DSCAM: variants seen among roughly 807,000 people sequenced by gnomAD.
DSCAM encodes the protein cell adhesion molecule DSCAM.
In DSCAM, 47 loss-of-function variants were observed where a neutral mutation model predicts 217.7. That is an observed-to-expected ratio of 0.22 (90% CI 0.17 to 0.28). The LOEUF (loss-of-function observed/expected upper bound fraction) is 0.28, where lower values mean the gene tolerates loss of function less well. DSCAM is among the 10% of genes least tolerant of loss of function. The pLI is 1.00. For missense variants in DSCAM, 2,080 were observed against 2,618.3 expected (o/e 0.79, Z 4.49); for synonymous variants, 1,056 against 1,015.3 (o/e 1.04, Z -0.76).
chr21:40,281,087 T>G (rs1226173057), intron 10 of DSCAM, among the ~76,000 whole-genome samples: 3 of 145,228 alleles, frequency 2.1e-5, no homozygotes, highest in African/African-American at 7.7e-5. Flanking sequence ...AAGCCACACA[T>G]GCATTCCAGA....
intron 3 of DSCAM, among the ~76,000 whole-genome samples, chr21:40,660,388 C>T (rs1318751833): frequency 6.6e-6 from 1 of 152,064 alleles, no homozygotes; most frequent in African/African-American, 2.4e-5. Flanking sequence ...AACAACTGGC[C>T]AGAAGTTATA....
chr21:40,473,201 G>GAGCAGAATGAATTAGAAA (rs550107597), intron 3 of DSCAM, among the ~76,000 whole-genome samples: 1 of 152,226 alleles, frequency 6.6e-6, no homozygotes, highest in Admixed American at 6.5e-5. Context: ...AACTAAAGGA[G>GAGCAGAATGAATTAGAAA]AGCAGAATGA....
intron 1 of DSCAM, among the ~76,000 whole-genome samples, chr21:40,805,339 T>C (rs2091776308): frequency 6.6e-6 from 1 of 152,188 alleles, no homozygotes; most frequent in Non-Finnish European, 1.5e-5. Context: ...TCCCCCTCCA[T>C]CCTGCCTTCT....
intron 3 of DSCAM, among the ~76,000 whole-genome samples, chr21:40,543,158 G>A (rs1368894480): frequency 6.6e-6 from 1 of 152,172 alleles, no homozygotes; most frequent in African/African-American, 2.4e-5. Flanking sequence ...AGGCTGGAAA[G>A]GTCAGACAAG....
At chr21:40,074,935 A>C in intron 27 of DSCAM, 102 bp downstream of exon 27, 3 of 1,239,782 alleles carry the variant, frequency 2.4e-6, no homozygotes, top group South Asian at 1.5e-5. Flanking sequence ...TAAAGAGGGA[A>C]GAGTCACTCC....
chr21:40,647,132 G>A (rs1161492336), intron 3 of DSCAM, among the ~76,000 whole-genome samples: 10 of 152,176 alleles, frequency 6.6e-5, no homozygotes, highest in South Asian at 4.1e-4. Context: ...ATTGGTGGCC[G>A]AATTGGAGGA....
At chr21:40,561,371 G>A (rs1026435360) in intron 3 of DSCAM, among the ~76,000 whole-genome samples, 1 of 152,194 alleles carries the variant, frequency 6.6e-6, no homozygotes, top group Non-Finnish European at 1.5e-5. Flanking sequence ...ATAGATTCCT[G>A]TGTGTATGCT....
At chr21:40,751,860 A>G (rs2091232761) in intron 1 of DSCAM, among the ~76,000 whole-genome samples, 1 of 152,322 alleles carries the variant, frequency 6.6e-6, no homozygotes, top group African/African-American at 2.4e-5. Flanking sequence ...AAATCATTGA[A>G]GCAAGCAGAG....
chr21:40,394,788 G>T (rs2075163719), intron 3 of DSCAM, among the ~76,000 whole-genome samples: 1 of 152,182 alleles, frequency 6.6e-6, no homozygotes, highest in Non-Finnish European at 1.5e-5. Context: ...TCAACACTGA[G>T]AACTGTAGAA....
chr21:40,439,788 C>G (rs1435027467), intron 3 of DSCAM, among the ~76,000 whole-genome samples: 1 of 152,118 alleles, frequency 6.6e-6, no homozygotes, highest in Non-Finnish European at 1.5e-5. Flanking sequence ...CAGGGAAACA[C>G]CCCCTTACAA....
rs561604416 is a variant in DSCAM, at chr21:40,731,005, C to CA, written c.44-22235dup. On this transcript the variant is annotated intron_variant, in intron 1 of 32. Coordinates refer to ENST00000400454, the MANE Select transcript of DSCAM (RefSeq NM_001389.5). ...TGGACCAACTCTATGCATTTAAAAA[C>CA]AAAATAATTTACATATTTATTGTTT... is the stretch of plus-strand genomic sequence containing the variant. Among the ~76,000 whole-genome samples, 16 of 152,186 alleles carry CA rather than the reference C, an allele frequency of 1.1e-4. No homozygotes were observed. In the South Asian group the frequency reaches 3.3e-3, roughly 32 times the overall value.
chr21:40,495,945 TAGTAAAATATCTA>T (rs1477116692), intron 3 of DSCAM, among the ~76,000 whole-genome samples: 1 of 152,070 alleles, frequency 6.6e-6, no homozygotes, highest in Non-Finnish European at 1.5e-5. Context: ...TGCCAAAAAA[TAGTAAAATATCTA>T]GGAATAAGTT....
intron 1 of DSCAM, among the ~76,000 whole-genome samples, chr21:40,739,572 C>T (rs2091101033): frequency 6.6e-6 from 1 of 152,226 alleles, no homozygotes; most frequent in Admixed American, 6.5e-5. Flanking sequence ...TATAAGGATG[C>T]CAGTCAGACT....
chr21:40,675,520 C>T (rs1022424), intron 3 of DSCAM, among the ~76,000 whole-genome samples: 71,691 of 152,030 alleles, frequency 0.47, 17,306 homozygotes, highest in East Asian at 0.59. Context: ...CCCTAATTTA[C>T]AGCTTCTGTT....
At chr21:40,052,803 GGT>G (rs1189816391) in intron 29 of DSCAM, among the ~76,000 whole-genome samples, 1 of 152,206 alleles carries the variant, frequency 6.6e-6, no homozygotes, top group Non-Finnish European at 1.5e-5. Context: ...GGCACTTGAA[GGT>G]GAGCGAGGCA....
intron 3 of DSCAM, among the ~76,000 whole-genome samples, chr21:40,660,263 A>T (rs969836965): frequency 6.6e-6 from 1 of 152,150 alleles, no homozygotes; most frequent in Non-Finnish European, 1.5e-5. Context: ...TCAAATCCTA[A>T]AGAAATGACA....
At chr21:40,523,014 G>A (rs934472016) in intron 3 of DSCAM, among the ~76,000 whole-genome samples, 2 of 152,152 alleles carry the variant, frequency 1.3e-5, no homozygotes, top group Non-Finnish European at 2.9e-5. Flanking sequence ...GGTGATGAAG[G>A]CTTTGTATTT....
Position 40,134,018 on chromosome 21 carries a change from C to G in DSCAM, c.3407-9G>C, listed in dbSNP as rs1202834874. The G allele has an allele frequency of 1.2e-6, 2 of 1,600,618 alleles. No individual in the cohort carries two copies. Among genetic ancestry groups the G allele is most frequent in the Non-Finnish European group, 1.7e-6 (2 of 1,174,608 alleles). On this transcript the variant is annotated splice_polypyrimidine_tract_variant and intron_variant, in intron 18 of 32. Coordinates refer to ENST00000400454, the MANE Select transcript of DSCAM (RefSeq NM_001389.5). The stretch of plus-strand genomic sequence containing the variant: ...TTTAATCTCACCCAGCTCTGGAGGA[C>G]AAGAACAAGAAAACAAAATCCCACT...
At chr21:40,646,060 G>C (rs1420891613) in intron 3 of DSCAM, among the ~76,000 whole-genome samples, 2 of 152,144 alleles carry the variant, frequency 1.3e-5, no homozygotes, top group Admixed American at 1.3e-4. Context: ...CCGATGAAGG[G>C]AGCAGGCTGT....
Sources: allele counts gnomAD v4.1 joint callset (sites outside exome capture counted in the v4.1 genomes callset), GRCh38; gene constraint gnomAD v4.1.1; transcripts MANE v1.5; gene names NCBI Gene and HGNC (gene_info 2026-07-23, HGNC 2026-07-21).